HGD: variants seen among roughly 807,000 people sequenced by gnomAD.
HGD encodes homogentisate oxidase.
A neutral mutation model predicts 60.8 loss-of-function variants in HGD; 61 were observed. The observed-to-expected ratio is 1.00, with a 90% confidence interval of 0.82 to 1.24. The LOEUF is 1.24. Among genes scored for constraint, HGD ranks in the 50% most tolerant of loss-of-function variants. The pLI, the probability that HGD is intolerant of heterozygous loss-of-function variation, is 0.00. For missense variants in HGD, 542 were observed against 547.1 expected (o/e 0.99, Z 0.09); for synonymous variants, 212 against 187.7 (o/e 1.13, Z -1.06).
At chr3:120,673,707 A>C (rs1055844451) in intron 3 of HGD, among the ~76,000 whole-genome samples, 3 of 152,162 alleles carry the variant, frequency 2.0e-5, no homozygotes, top group Admixed American at 2.0e-4. Flanking sequence ...ATACCCTGGA[A>C]ATGAGGCAGA....
chr3:120,672,957 G>A (rs989366894), intron 3 of HGD, among the ~76,000 whole-genome samples: 1 of 152,170 alleles, frequency 6.6e-6, no homozygotes, highest in African/African-American at 2.4e-5. Flanking sequence ...ATCCCTGATA[G>A]GTAGGTAGGT....
intron 12 of HGD, among the ~76,000 whole-genome samples, chr3:120,635,476 C>CAAAAAA (rs149923580): frequency 9.3e-5 from 6 of 64,430 alleles, no homozygotes; most frequent in Non-Finnish European, 1.7e-4. Flanking sequence ...GATTCCGTCT[C>CAAAAAA]AAAAAAAAAA....
At chr3:120,658,292 T>C (rs571965301) in intron 4 of HGD, among the ~76,000 whole-genome samples, 4 of 152,340 alleles carry the variant, frequency 2.6e-5, no homozygotes, top group African/African-American at 9.6e-5. Flanking sequence ...AGACATTAGG[T>C]AAATACTTCC....
rs1491569082 is a variant in HGD, at chr3:120,630,825, T to TATATATATATATAC, written c.1189-2297_1189-2296insGTATATATATATAT. Among the ~76,000 whole-genome samples, 531 of 104,058 alleles carry TATATATATATATAC rather than the reference T, an allele frequency of 5.1e-3. 2 individuals are homozygous for TATATATATATATAC. Among genetic ancestry groups the TATATATATATATAC allele is most frequent in the Middle Eastern group, 0.045 (9 of 202 alleles). The allele number at this position is 104,058 out of a possible 152,430, so 68.3% of individuals were successfully genotyped here. The stretch of plus-strand genomic sequence containing the variant: ...ATATATATATATATATATATATATA[T>TATATATATATATAC]ACACATACACACACACATACACACA... On this transcript the variant is annotated intron_variant, in intron 13 of 13. Coordinates refer to ENST00000283871, the MANE Select transcript of HGD (RefSeq NM_000187.4).
At chr3:120,633,667 A>G in intron 12 of HGD, 1 of 1,166,588 alleles carries the variant, frequency 8.6e-7, no homozygotes, top group South Asian at 1.3e-5. Flanking sequence ...GTACTCTATC[A>G]TCTAAGCTTA....
In HGD at chr3:120,644,307, C is replaced by T. The variant is rs1251352323; in HGVS notation, c.774+12G>A. The T allele has an allele frequency of 6.2e-7, 1 of 1,613,922 alleles. No homozygotes were observed. Among genetic ancestry groups the T allele is most frequent in the Non-Finnish European group, 8.5e-7 (1 of 1,180,000 alleles). On this transcript the variant is annotated intron_variant, in intron 10 of 13. Transcript: ENST00000283871. The stretch of plus-strand genomic sequence containing the variant: ...TCATTTCCTCCCTTGCCTGCCAACC[C>T]TTTTACTTTACCTGTTTGGCAGCAA...
At position 120,628,181 on chromosome 3, in the gene HGD, C is replaced by A; in HGVS notation, c.*199G>T. Reference sequence around the variant, plus strand: ...ATGACCAATCACTACGTCCACAGAACACCAGCAAGTTTATTGAGTAATTAA... The same window carrying A: ...ATGACCAATCACTACGTCCACAGAAAACCAGCAAGTTTATTGAGTAATTAA... On this transcript the variant is annotated 3_prime_UTR_variant, in exon 14 of 14. Coordinates refer to ENST00000283871, the MANE Select transcript of HGD (RefSeq NM_000187.4). The A allele has an allele frequency of 1.6e-6, 1 of 613,744 alleles. No homozygotes were observed. Among genetic ancestry groups the A allele is most frequent in the Admixed American group, 2.6e-5 (1 of 38,336 alleles). The allele number at this position is 613,744 out of a possible 1,614,324, so 38.0% of individuals were successfully genotyped here.
At chr3:120,643,238 C>T (rs1441681036) in intron 10 of HGD, among the ~76,000 whole-genome samples, 1 of 152,208 alleles carries the variant, frequency 6.6e-6, no homozygotes, top group Non-Finnish European at 1.5e-5. Context: ...ATTCTCCTGC[C>T]TCAGCCTCCC....
intron 4 of HGD, among the ~76,000 whole-genome samples, chr3:120,656,888 G>A (rs576875060): frequency 8.5e-5 from 13 of 152,302 alleles, no homozygotes; most frequent in Admixed American, 7.2e-4. Context: ...ACATTCAGGC[G>A]ATGTCTAGAA....
intron 11 of HGD, among the ~76,000 whole-genome samples, chr3:120,640,199 TA>T (rs375297232): frequency 0.038 from 1,174 of 31,020 alleles, 2 homozygotes; most frequent in African/African-American, 0.087. Flanking sequence ...AAATAAAAGT[TA>T]AAAAAAAAAA....
chr3:120,643,644 G>C (rs766959370), intron 10 of HGD, among the ~76,000 whole-genome samples: 116 of 152,212 alleles, frequency 7.6e-4, no homozygotes, highest in Non-Finnish European at 1.2e-3. Context: ...AAGTCAAATA[G>C]ACAAAATGAA....
chr3:120,679,875 C>A (rs1229221344), intron 1 of HGD, among the ~76,000 whole-genome samples: 1 of 152,208 alleles, frequency 6.6e-6, no homozygotes, highest in African/African-American at 2.4e-5. Flanking sequence ...GACTTCTGAC[C>A]TCCACAACTT....
At chr3:120,654,250 T>G (rs1173123754) in intron 4 of HGD, among the ~76,000 whole-genome samples, 2 of 152,126 alleles carry the variant, frequency 1.3e-5, no homozygotes, top group Non-Finnish European at 2.9e-5. Flanking sequence ...GATTTAAGTA[T>G]CAGATCAATG....
intron 6 of HGD, 104 bp from the exon 7 acceptor site, chr3:120,648,015 A>G (rs1941218301): frequency 1.0e-6 from 1 of 953,752 alleles, no homozygotes; most frequent in Non-Finnish European, 1.7e-6. Flanking sequence ...GCAAGCTCAG[A>G]GCTGGGTATA....
chr3:120,679,733 A>G (rs1708199524), intron 1 of HGD, among the ~76,000 whole-genome samples: 1 of 152,192 alleles, frequency 6.6e-6, no homozygotes, highest in East Asian at 1.9e-4. Context: ...GCTACAAACC[A>G]AGGAATGTGG....
At chr3:120,641,828 G>C (rs1940992444) in intron 10 of HGD, 135 bp from the exon 11 acceptor site, 1 of 718,144 alleles carries the variant, frequency 1.4e-6, no homozygotes, top group Non-Finnish European at 2.5e-6. Flanking sequence ...CCGTCCTTTG[G>C]GAGAAGTATA....
chr3:120,643,854 C>G (rs1941073236), intron 10 of HGD, among the ~76,000 whole-genome samples: 2 of 152,150 alleles, frequency 1.3e-5, no homozygotes, highest in Admixed American at 1.3e-4. Context: ...CCAAGCCAAG[C>G]TAATTAACTG....
Position 120,637,610 on chromosome 3 carries a change from CTCTCTCTCTG to C in HGD, c.1006+835_1006+844del, listed in dbSNP as rs774160908. 9.3e-3 allele frequency among the ~76,000 whole-genome samples: 1,309 copies of C among 141,290 alleles called. 13 individuals are homozygous for C. Among genetic ancestry groups the C allele is most frequent in the African/African-American group, 0.032 (1,201 of 37,122 alleles). 92.7% of individuals were successfully genotyped at this position (141,290 alleles called of 152,430 possible). A position where few individuals can be genotyped will look rare whatever the true frequency, so the allele number is the denominator to read the frequency against. On this transcript the variant is annotated intron_variant, in intron 12 of 13. Coordinates refer to ENST00000283871, the MANE Select transcript of HGD (RefSeq NM_000187.4). ...AGAAGGCACATTTCTGTCTCTCTGT[CTCTCTCTCTG>C]TCTCTCTCTGTCTCTCTCTTCTTAT...
chr3:120,650,385 G>A (rs1941301778), intron 6 of HGD, among the ~76,000 whole-genome samples: 1 of 152,228 alleles, frequency 6.6e-6, no homozygotes, highest in Admixed American at 6.5e-5. Flanking sequence ...CCTGATGGCT[G>A]TGTCGCAGGC....
Sources: allele counts gnomAD v4.1 joint callset (sites outside exome capture counted in the v4.1 genomes callset), GRCh38; gene constraint gnomAD v4.1.1; transcripts MANE v1.5; gene names NCBI Gene and HGNC (gene_info 2026-07-23, HGNC 2026-07-21).